Variants in OTUD7A observed in about 807,000 individuals in gnomAD.
The protein encoded by OTUD7A is OTU domain-containing protein 7A.
Under a neutral mutation model 65.7 loss-of-function variants are expected in OTUD7A, and 12 were observed. That is an observed-to-expected ratio of 0.18 (90% CI 0.12 to 0.30). The LOEUF is 0.30. OTUD7A is among the 10% of genes least tolerant of loss of function. The pLI, the probability that OTUD7A is intolerant of heterozygous loss-of-function variation, is 1.00. For synonymous variants in OTUD7A, 641 were observed against 586.3 expected, an observed-to-expected ratio of 1.09 and a Z score of -1.35; for missense variants, 1,148 against 1,304.8, an observed-to-expected ratio of 0.88 and a Z score of 1.85.
intron 5 of OTUD7A, among the ~76,000 whole-genome samples, chr15:31,532,503 C>A: frequency 6.6e-6 from 1 of 150,480 alleles, no homozygotes. Flanking sequence ...TAGAAATCAC[C>A]CAATTTGAAC....
chr15:31,577,658 T>C (rs1206330064), intron 3 of OTUD7A, among the ~76,000 whole-genome samples: 2 of 152,174 alleles, frequency 1.3e-5, no homozygotes, highest in South Asian at 4.2e-4. Context: ...GTCATGGTCA[T>C]TCGTACTGGC....
At chr15:31,604,242 C>T (rs1890169015) in intron 3 of OTUD7A, among the ~76,000 whole-genome samples, 1 of 152,214 alleles carries the variant, frequency 6.6e-6, no homozygotes, top group African/African-American at 2.4e-5. Flanking sequence ...GGCACATATA[C>T]ATCATGGAAT....
At chr15:31,634,249 A>G (rs2141253741) in intron 3 of OTUD7A, among the ~76,000 whole-genome samples, 1 of 152,330 alleles carries the variant, frequency 6.6e-6, no homozygotes, top group Middle Eastern at 3.4e-3. Flanking sequence ...GCCACTCTAC[A>G]GAGAGAGGGA....
chr15:31,681,842 T>C lies in OTUD7A; in HGVS notation c.-99-24765A>G, dbSNP rs376504766. Among the ~76,000 whole-genome samples, 642 of 150,934 alleles carry C rather than the reference T, an allele frequency of 4.3e-3. 4 individuals are homozygous for C. The highest frequency in any genetic ancestry group is 0.015 in the African/African-American group (617 of 40,464). On this transcript the variant is annotated intron_variant, in intron 1 of 12. Coordinates refer to ENST00000307050, the MANE Select transcript of OTUD7A (RefSeq NM_001382637.1). ...TTAACTGGGCCATTGCTCTGTGTTA[T>C]GTGCTAGGGATACAACCTAAAATTA...
chr15:31,628,365 C>T (rs947297488), intron 3 of OTUD7A, among the ~76,000 whole-genome samples: 12 of 152,170 alleles, frequency 7.9e-5, no homozygotes, highest in African/African-American at 2.4e-4. Context: ...TTCCCCATTG[C>T]TTGTTTCTGT....
At chr15:31,837,372 C>CAAAAAAAAAAAAAAAAAAA (rs57479397) in intron 1 of OTUD7A, among the ~76,000 whole-genome samples, 1 of 120,322 alleles carries the variant, frequency 8.3e-6, no homozygotes, top group African/African-American at 3.2e-5. Flanking sequence ...ACTAAAAATA[C>CAAAAAAAAAAAAAAAAAAA]AAAAAAAAAA....
intron 1 of OTUD7A, among the ~76,000 whole-genome samples, chr15:31,750,787 T>C (rs911154218): frequency 1.3e-5 from 2 of 152,066 alleles, no homozygotes; most frequent in Admixed American, 6.5e-5. Context: ...CTAGTCATTG[T>C]TGAATAGAAA....
intron 1 of OTUD7A, among the ~76,000 whole-genome samples, chr15:31,856,675 T>C (rs898106309): frequency 6.6e-6 from 1 of 152,098 alleles, no homozygotes; most frequent in African/African-American, 2.4e-5. Context: ...TCTCAACCCC[T>C]CCTCGCCACA....
At chr15:31,774,776 A>G (rs1282789745) in intron 1 of OTUD7A, among the ~76,000 whole-genome samples, 1 of 152,180 alleles carries the variant, frequency 6.6e-6, no homozygotes, top group Non-Finnish European at 1.5e-5. Flanking sequence ...AATTTAGGAA[A>G]GGAAGATGTA....
intron 1 of OTUD7A, among the ~76,000 whole-genome samples, chr15:31,819,291 T>C (rs1342679784): frequency 1.3e-5 from 2 of 152,150 alleles, no homozygotes; most frequent in Admixed American, 6.5e-5. Context: ...ACCTAAAAAC[T>C]AAGAATATGA....
At chr15:31,613,589 C>T (rs1338113138) in intron 3 of OTUD7A, among the ~76,000 whole-genome samples, 2 of 151,970 alleles carry the variant, frequency 1.3e-5, no homozygotes, top group Non-Finnish European at 2.9e-5. Context: ...AAATCAAAAC[C>T]ACAATGTGAT....
chr15:31,593,869 A>G (rs1312516750), intron 3 of OTUD7A, among the ~76,000 whole-genome samples: 2 of 152,182 alleles, frequency 1.3e-5, no homozygotes, highest in Non-Finnish European at 2.9e-5. Flanking sequence ...CAGTGTTTCT[A>G]CTATTGCCTC....
intron 1 of OTUD7A, among the ~76,000 whole-genome samples, chr15:31,664,746 C>A (rs987053859): frequency 2.6e-5 from 4 of 152,128 alleles, no homozygotes; most frequent in Non-Finnish European, 5.9e-5. Flanking sequence ...CCAATGTCTA[C>A]AAGGGGTTTT....
intron 1 of OTUD7A, among the ~76,000 whole-genome samples, chr15:31,835,396 A>G (rs1274732787): frequency 1.3e-5 from 2 of 152,250 alleles, no homozygotes; most frequent in Admixed American, 6.5e-5. Flanking sequence ...GCTGGCAACT[A>G]AAAGAAGCAC....
At chr15:31,804,009 C>T (rs777939791) in intron 1 of OTUD7A, among the ~76,000 whole-genome samples, 1 of 152,104 alleles carries the variant, frequency 6.6e-6, no homozygotes, top group Non-Finnish European at 1.5e-5. Flanking sequence ...CAGATGCCTC[C>T]CTAACTCCAG....
At chr15:31,768,080 C>T (rs1895135722) in intron 1 of OTUD7A, 18 of 1,598,026 alleles carry the variant, frequency 1.1e-5, no homozygotes, top group Non-Finnish European at 5.1e-6. Flanking sequence ...GAAACAATTG[C>T]CATATTTTTT....
At chr15:31,696,043 C>T (rs71399716) in intron 1 of OTUD7A, among the ~76,000 whole-genome samples, 45 of 152,288 alleles carry the variant, frequency 3.0e-4, no homozygotes, top group Non-Finnish European at 4.9e-4. Context: ...AGTGCAGACA[C>T]GGGTTGGGGG....
intron 3 of OTUD7A, among the ~76,000 whole-genome samples, chr15:31,617,782 TA>T (rs1435158710): frequency 6.6e-6 from 1 of 152,156 alleles, no homozygotes; most frequent in Non-Finnish European, 1.5e-5. Context: ...TATTATTTTT[TA>T]ATTTTTTTAT....
chr15:31,703,276 T>G (rs1893255005), intron 1 of OTUD7A, among the ~76,000 whole-genome samples: 1 of 152,184 alleles, frequency 6.6e-6, no homozygotes, highest in Non-Finnish European at 1.5e-5. Flanking sequence ...CTTTTTGTTC[T>G]GTGAAAGAGA....
Sources: gnomAD v4.1 joint callset for allele counts (sites outside exome capture counted in the v4.1 genomes callset) on GRCh38, gnomAD v4.1.1 for gene constraint, MANE v1.5 for transcripts, NCBI Gene and HGNC (gene_info 2026-07-23, HGNC 2026-07-21) for gene names.